The following EPB41L4A variants were observed in gnomAD, a reference collection of about 807,000 sequenced individuals.
The protein encoded by EPB41L4A is band 4.1-like protein 4A.
A neutral mutation model predicts 108.6 loss-of-function variants in EPB41L4A; 100 were observed. That is an observed-to-expected ratio of 0.92 (90% CI 0.78 to 1.09). The LOEUF (loss-of-function observed/expected upper bound fraction) is 1.09, where lower values mean the gene tolerates loss of function less well. Ranked by LOEUF, EPB41L4A falls within the 50% of genes least tolerant of loss-of-function variation. The probability of loss-of-function intolerance (pLI) is 0.00; values close to 1 mark genes in which losing one functional copy is unlikely to be tolerated. For synonymous variants in EPB41L4A, 319 were observed against 289.0 expected (o/e 1.10, Z -1.05); for missense variants, 1,030 against 842.7 (o/e 1.22, Z -2.75).
At chr5:112,156,446 C>T (rs887002136) in intron 12 of EPB41L4A, among the ~76,000 whole-genome samples, 3 of 152,080 alleles carry the variant, frequency 2.0e-5, no homozygotes, top group Non-Finnish European at 4.4e-5. Flanking sequence ...AGAAGATTAA[C>T]GTTCCAGCTG....
chr5:112,365,212 G>A (rs1319241380), intron 1 of EPB41L4A, among the ~76,000 whole-genome samples: 2 of 152,168 alleles, frequency 1.3e-5, no homozygotes, highest in Admixed American at 1.3e-4. Context: ...ATTTTACAGA[G>A]AGGGTCTCGC....
At chr5:112,358,887 A>G (rs535993630) in intron 1 of EPB41L4A, among the ~76,000 whole-genome samples, 61 of 152,374 alleles carry the variant, frequency 4.0e-4, no homozygotes, top group African/African-American at 1.4e-3. Flanking sequence ...GCCACAGACA[A>G]TAACATAAAA....
rs191365147 is a variant in EPB41L4A at position 112,368,294 on chromosome 5, G to T, written c.99+50647C>A. ...CTCATCCCCTTGCACTTGAGAGCAC[G>T]AATTATCTTGTCTGAGGCCATTCTT... On this transcript the variant is annotated intron_variant, in intron 1 of 22. Transcript: ENST00000261486. 1.8e-3 allele frequency among the ~76,000 whole-genome samples: 274 copies of T among 152,024 alleles called. 1 individual carries two copies. The highest frequency in any genetic ancestry group is 8.3e-3 in the South Asian group (40 of 4,810).
At chr5:112,331,593 G>A (rs574104467) in intron 1 of EPB41L4A, among the ~76,000 whole-genome samples, 1 of 152,304 alleles carries the variant, frequency 6.6e-6, no homozygotes, top group African/African-American at 2.4e-5. Flanking sequence ...AGCAGCTGAG[G>A]GTACCTGGTG....
intron 12 of EPB41L4A, among the ~76,000 whole-genome samples, chr5:112,154,082 ATAAG>A (rs1759567286): frequency 6.6e-6 from 1 of 152,254 alleles, no homozygotes; most frequent in African/African-American, 2.4e-5. Context: ...TACTGTAATA[ATAAG>A]TATTAGAAGA....
At chr5:112,278,900 C>CA (rs763389771) in intron 3 of EPB41L4A, among the ~76,000 whole-genome samples, 1,949 of 117,550 alleles carry the variant, frequency 0.017, 22 homozygotes, top group African/African-American at 0.034. Context: ...ACTAAAAATA[C>CA]AAAAAAAAAA....
intron 4 of EPB41L4A, among the ~76,000 whole-genome samples, chr5:112,275,053 T>C (rs1752529281): frequency 6.6e-6 from 1 of 152,226 alleles, no homozygotes; most frequent in Non-Finnish European, 1.5e-5. Flanking sequence ...GCTGAATGCA[T>C]GCTTAACAAT....
At chr5:112,403,458 A>C (rs1218693820) in intron 1 of EPB41L4A, among the ~76,000 whole-genome samples, 2 of 152,046 alleles carry the variant, frequency 1.3e-5, no homozygotes, top group African/African-American at 4.8e-5. Flanking sequence ...ATAATTTACT[A>C]ATCACATGTC....
chr5:112,271,759 C>G (rs147922673), intron 4 of EPB41L4A, among the ~76,000 whole-genome samples: 6 of 152,310 alleles, frequency 3.9e-5, no homozygotes, highest in African/African-American at 1.4e-4. Context: ...ATAGAGAGAT[C>G]AGATTTATTC....
rs376391295 is a variant in EPB41L4A, at chr5:112,249,451, T to C, written c.796-8641A>G. On this transcript the variant is annotated intron_variant, in intron 9 of 22. Transcript: ENST00000261486. Reference sequence around the variant, plus strand: ...TAGATACCAAAGAAAGCTTACAAAATTGTAAGTCTTTTGAAAAATTTTATC... The same window carrying C: ...TAGATACCAAAGAAAGCTTACAAAACTGTAAGTCTTTTGAAAAATTTTATC... The C allele has an allele frequency of 2.6e-5, 4 of 152,280 alleles. No homozygotes were observed. The East Asian group carries it at 5.8e-4, about 22-fold the overall frequency. The allele number at this position is 152,280 out of a possible 1,614,324, so 9.4% of individuals were successfully genotyped here. A position where few individuals can be genotyped will look rare whatever the true frequency, so the allele number is the denominator to read the frequency against.
chr5:112,408,382 T>C (rs1762206463), intron 1 of EPB41L4A, among the ~76,000 whole-genome samples: 1 of 152,124 alleles, frequency 6.6e-6, no homozygotes, highest in Non-Finnish European at 1.5e-5. Context: ...CAAAAATTTG[T>C]GGGTATATAA....
At position 112,168,144 on chromosome 5, in the gene EPB41L4A, C is replaced by T. The variant is rs147915751; in HGVS notation, c.1932+595G>A. On this transcript the variant is annotated intron_variant, in intron 22 of 22. Coordinates refer to ENST00000261486, the MANE Select transcript of EPB41L4A (RefSeq NM_022140.5). ...TTTTTTCCCATCTTATTAAAAAATA[C>T]ATCATGAGAGGCGGTATGAAACTCT... is the stretch of plus-strand genomic sequence containing the variant. 3.0e-3 allele frequency among the ~76,000 whole-genome samples: 459 copies of T among 152,326 alleles called. 2 individuals carry two copies. The highest frequency in any genetic ancestry group is 0.01 in the African/African-American group (431 of 41,566).
At chr5:112,346,081 C>T (rs979831610) in intron 1 of EPB41L4A, among the ~76,000 whole-genome samples, 1 of 151,940 alleles carries the variant, frequency 6.6e-6, no homozygotes, top group Non-Finnish European at 1.5e-5. Context: ...ACACACTCCA[C>T]AATTATTTTT....
chr5:112,412,846 C>G (rs1320265168), intron 1 of EPB41L4A, among the ~76,000 whole-genome samples: 1 of 152,206 alleles, frequency 6.6e-6, no homozygotes, highest in Non-Finnish European at 1.5e-5. Flanking sequence ...AACAGGCCTG[C>G]AGACAAACAC....
intron 12 of EPB41L4A, among the ~76,000 whole-genome samples, chr5:112,231,656 G>A (rs1748943051): frequency 6.6e-6 from 1 of 150,454 alleles, no homozygotes; most frequent in Non-Finnish European, 1.5e-5. Flanking sequence ...GCGGTGGCGG[G>A]CGCCTGTAGT....
chr5:112,159,352 G>A (rs1022822428), downstream of EPB41L4A, among the ~76,000 whole-genome samples: 4 of 152,172 alleles, frequency 2.6e-5, no homozygotes, highest in Non-Finnish European at 5.9e-5. Flanking sequence ...ATCTCTGCTA[G>A]GACTTAGAGA....
intron 2 of EPB41L4A, among the ~76,000 whole-genome samples, chr5:112,288,689 C>T (rs1399573426): frequency 6.6e-6 from 1 of 152,164 alleles, no homozygotes. Flanking sequence ...ATGCATGTTC[C>T]ACCACTGTAT....
At chr5:112,239,795 CA>C (rs1184786943) in intron 10 of EPB41L4A, 58 bp from the exon 11 acceptor site, 3 of 1,159,860 alleles carry the variant, frequency 2.6e-6, no homozygotes, top group Non-Finnish European at 3.8e-6. Flanking sequence ...CATTCTGGGC[CA>C]CCCCCTTCTC....
intron 12 of EPB41L4A, among the ~76,000 whole-genome samples, chr5:112,157,047 T>C (rs1759673395): frequency 6.6e-6 from 1 of 151,376 alleles, no homozygotes; most frequent in Non-Finnish European, 1.5e-5. Context: ...ATAAAGACAT[T>C]ATAAAAAATA....
Sources: allele counts gnomAD v4.1 joint callset (sites outside exome capture counted in the v4.1 genomes callset), GRCh38; gene constraint gnomAD v4.1.1; transcripts MANE v1.5; gene names NCBI Gene and HGNC (gene_info 2026-07-23, HGNC 2026-07-21).